The following GABRB2 variants were observed in gnomAD, a reference collection of about 807,000 sequenced individuals.
GABRB2 encodes the protein gamma-aminobutyric acid receptor subunit beta-2.
A neutral mutation model predicts 54.7 loss-of-function variants in GABRB2; 16 were observed. The observed-to-expected ratio is 0.29, with a 90% CI of 0.20 to 0.44. The LOEUF (loss-of-function observed/expected upper bound fraction) is 0.44, where lower values mean the gene tolerates loss of function less well. Ranked by LOEUF, GABRB2 falls within the 20% of genes least tolerant of loss-of-function variation. GABRB2 has a pLI of 1.00. For synonymous variants in GABRB2, 244 were observed against 233.8 expected (o/e 1.04, Z -0.40); for missense variants, 355 against 644.0 (o/e 0.55, Z 4.86).
chr5:161,541,706 TA>T (rs1760822590), intron 3 of GABRB2, among the ~76,000 whole-genome samples: 1 of 152,228 alleles, frequency 6.6e-6, no homozygotes, highest in African/African-American at 2.4e-5. Context: ...CTTGTTCTGG[TA>T]ATCTGGCTTT....
At position 161,495,867 on chromosome 5, in the gene GABRB2, G is replaced by A. The variant is rs1377830115; in HGVS notation, c.238-36023C>T. Among the ~76,000 whole-genome samples, 3 of 152,114 alleles carry A rather than the reference G, an allele frequency of 2.0e-5. No individual in the cohort carries two copies. The East Asian group carries it at 5.8e-4, about 29-fold the overall frequency. On this transcript the variant is annotated intron_variant, in intron 3 of 9. Transcript: ENST00000393959. ...ATGAGTTGGAAAATTAAAATAAACTGAAGCAGATAAGCTGGCATGCTTCCT... is the reference window on the plus strand; with the variant it reads ...ATGAGTTGGAAAATTAAAATAAACTAAAGCAGATAAGCTGGCATGCTTCCT...
chr5:161,356,056 G>C (rs1754617416), intron 5 of GABRB2, among the ~76,000 whole-genome samples: 1 of 152,084 alleles, frequency 6.6e-6, no homozygotes, highest in South Asian at 2.1e-4. Flanking sequence ...AATAAAAGGA[G>C]CAAGGATGAG....
At chr5:161,378,320 G>A (rs1401134804) in intron 5 of GABRB2, among the ~76,000 whole-genome samples, 1 of 152,048 alleles carries the variant, frequency 6.6e-6, no homozygotes, top group Non-Finnish European at 1.5e-5. Context: ...CTAATCATGA[G>A]AAGAAAAATA....
chr5:161,370,801 A>G (rs2113467425), intron 5 of GABRB2, among the ~76,000 whole-genome samples: 1 of 152,300 alleles, frequency 6.6e-6, no homozygotes, highest in Admixed American at 6.5e-5. Context: ...TTTAACATGG[A>G]AGAGTACCCA....
At chr5:161,349,987 A>T (rs1456440445) in intron 5 of GABRB2, among the ~76,000 whole-genome samples, 2 of 152,126 alleles carry the variant, frequency 1.3e-5, no homozygotes, top group Non-Finnish European at 2.9e-5. Flanking sequence ...GCAATTTGAT[A>T]ATCAGAAGTA....
chr5:161,294,528 G>A (rs1757329141), intron 9 of GABRB2, 100 bp from the exon 10 acceptor site: 2 of 961,300 alleles, frequency 2.1e-6, no homozygotes, highest in Admixed American at 2.5e-5. Flanking sequence ...ATTTATAGGA[G>A]TGGTAAAGAG....
At chr5:161,460,188 T>G in intron 3 of GABRB2, among the ~76,000 whole-genome samples, 1 of 152,128 alleles carries the variant, frequency 6.6e-6, no homozygotes, top group Non-Finnish European at 1.5e-5. Flanking sequence ...TCAGGTAATC[T>G]GGCTGCCATG....
chr5:161,299,306 T>C (rs1181372917), intron 9 of GABRB2, among the ~76,000 whole-genome samples: 1 of 152,166 alleles, frequency 6.6e-6, no homozygotes, highest in Non-Finnish European at 1.5e-5. Flanking sequence ...TCAGAGCCAT[T>C]CTGACACCAT....
At chr5:161,375,371 G>A (rs115534834) in intron 5 of GABRB2, among the ~76,000 whole-genome samples, 251 of 152,242 alleles carry the variant, frequency 1.6e-3, no homozygotes, top group African/African-American at 5.9e-3. Context: ...TAGCAACAGC[G>A]GGTTGGTGTT....
intron 4 of GABRB2, among the ~76,000 whole-genome samples, chr5:161,446,892 G>A (rs1757647022): frequency 6.6e-6 from 1 of 151,704 alleles, no homozygotes; most frequent in African/African-American, 2.4e-5. Context: ...GACTGGATGT[G>A]TCATTTATCT....
intron 3 of GABRB2, among the ~76,000 whole-genome samples, chr5:161,502,304 A>G (rs912342112): frequency 1.3e-5 from 2 of 152,120 alleles, no homozygotes; most frequent in African/African-American, 4.8e-5. Flanking sequence ...ATTAATTAAA[A>G]TATCAGTACT....
intron 6 of GABRB2, among the ~76,000 whole-genome samples, chr5:161,336,391 C>T (rs972283530): frequency 2.0e-5 from 3 of 152,020 alleles, no homozygotes; most frequent in African/African-American, 7.2e-5. Context: ...AAAAATTAGT[C>T]GCTTCTCTGG....
chr5:161,547,551 G>A (rs965305150), upstream of GABRB2, among the ~76,000 whole-genome samples: 1 of 151,772 alleles, frequency 6.6e-6, no homozygotes, highest in Non-Finnish European at 1.5e-5. Flanking sequence ...TGACCCGCTA[G>A]TCCGGGTTAT....
intron 4 of GABRB2, among the ~76,000 whole-genome samples, chr5:161,415,546 A>G (rs993104060): frequency 1.2e-4 from 18 of 152,222 alleles, no homozygotes; most frequent in African/African-American, 4.3e-4. Context: ...GAAATATTTT[A>G]TAGTGTCATT....
At chr5:161,493,858 T>G (rs992581207) in intron 3 of GABRB2, among the ~76,000 whole-genome samples, 1 of 151,774 alleles carries the variant, frequency 6.6e-6, no homozygotes, top group Non-Finnish European at 1.5e-5. Flanking sequence ...GCCTTTAATC[T>G]ATTCATATAG....
At chr5:161,345,098 C>T (rs543568321) in intron 5 of GABRB2, among the ~76,000 whole-genome samples, 3 of 151,902 alleles carry the variant, frequency 2.0e-5, no homozygotes, top group Non-Finnish European at 4.4e-5. Flanking sequence ...ATGTTGATGA[C>T]CGGTTGATGG....
At chr5:161,355,449 A>G (rs1169915145) in intron 5 of GABRB2, among the ~76,000 whole-genome samples, 2 of 151,260 alleles carry the variant, frequency 1.3e-5, no homozygotes, top group Non-Finnish European at 3.0e-5. Context: ...ACACACACAT[A>G]TATAACAACT....
chr5:161,306,418 AT>A (rs35052790), intron 9 of GABRB2, among the ~76,000 whole-genome samples: 2 of 152,122 alleles, frequency 1.3e-5, no homozygotes, highest in African/African-American at 2.4e-5. Flanking sequence ...GTATAGAGAT[AT>A]TTTTTTCCAT....
rs561215600 is a variant in GABRB2, at chr5:161,371,185, T to G, written c.542-34416A>C. Among the ~76,000 whole-genome samples the G allele has an allele frequency of 1.6e-3, 238 of 152,186 alleles. 4 individuals are homozygous for G. The highest frequency in any genetic ancestry group is 2.6e-4 in the Non-Finnish European group (18 of 68,006). Reference sequence around the variant, plus strand: ...TTACAAGGCTGTTATTACAAGACAATACTTTGTTTCTGACCCATGATCTGG... The same window carrying G: ...TTACAAGGCTGTTATTACAAGACAAGACTTTGTTTCTGACCCATGATCTGG... On this transcript the variant is annotated intron_variant, in intron 5 of 9. Coordinates refer to ENST00000393959, the MANE Select transcript of GABRB2 (RefSeq NM_001371727.1).
Sources: gnomAD v4.1 joint callset for allele counts (sites outside exome capture counted in the v4.1 genomes callset) on GRCh38, gnomAD v4.1.1 for gene constraint, MANE v1.5 for transcripts, NCBI Gene and HGNC (gene_info 2026-07-23, HGNC 2026-07-21) for gene names.